Variants in TCF4 observed in about 807,000 individuals in gnomAD.
TCF4 encodes transcription factor 4.
Under a neutral mutation model 82.1 loss-of-function variants are expected in TCF4, and 3 were observed. The ratio of observed to expected loss-of-function variants is 0.04; its 90% CI spans 0.02 to 0.09. TCF4 has a LOEUF of 0.09. Among genes scored for constraint, TCF4 ranks in the 10% least tolerant of loss-of-function variants. TCF4 has a pLI of 1.00. For synonymous variants in TCF4, 276 were observed against 309.6 expected (o/e 0.89, Z 1.14); for missense variants, 518 against 852.7 (o/e 0.61, Z 4.89).
intron 3 of TCF4, among the ~76,000 whole-genome samples, chr18:55,465,259 A>G (rs952880580): frequency 6.6e-6 from 1 of 152,156 alleles, no homozygotes; most frequent in Non-Finnish European, 1.5e-5. Context: ...CTCTACTGTC[A>G]TTCCTTTTAT....
intron 5 of TCF4, among the ~76,000 whole-genome samples, chr18:55,431,492 C>G (rs2095193194): frequency 6.6e-6 from 1 of 152,146 alleles, no homozygotes; most frequent in Admixed American, 6.5e-5. Context: ...GTTGGCCAAG[C>G]TGGTCTTGGA....
intron 5 of TCF4, among the ~76,000 whole-genome samples, chr18:55,417,046 T>C (rs1252148590): frequency 1.3e-5 from 2 of 152,244 alleles, no homozygotes; most frequent in Non-Finnish European, 2.9e-5. Flanking sequence ...GTAGGCCATA[T>C]GGCATCAGAG....
At chr18:55,549,594 C>T (rs573055633) in intron 3 of TCF4, among the ~76,000 whole-genome samples, 1 of 152,202 alleles carries the variant, frequency 6.6e-6, no homozygotes, top group Non-Finnish European at 1.5e-5. Flanking sequence ...CAGTCTTCCA[C>T]ACCTTGTCTC....
At chr18:55,456,288 G>A (rs116973193) in intron 5 of TCF4, among the ~76,000 whole-genome samples, 3,125 of 152,272 alleles carry the variant, frequency 0.021, 54 homozygotes, top group Non-Finnish European at 0.031. Flanking sequence ...GCAGAAAAAT[G>A]TTCTGCTGAG....
chr18:55,546,471 A>G (rs2097208412), intron 3 of TCF4, among the ~76,000 whole-genome samples: 1 of 152,260 alleles, frequency 6.6e-6, no homozygotes, highest in African/African-American at 2.4e-5. Context: ...CTGTATTTGC[A>G]AAACCAATGA....
intron 3 of TCF4, among the ~76,000 whole-genome samples, chr18:55,491,458 C>G (rs781117718): frequency 1.3e-5 from 2 of 152,210 alleles, no homozygotes; most frequent in African/African-American, 2.4e-5. Context: ...AACTATCCAT[C>G]TGCATATGCA....
chr18:55,510,261 A>G (rs2096811600), intron 3 of TCF4, among the ~76,000 whole-genome samples: 1 of 152,174 alleles, frequency 6.6e-6, no homozygotes, highest in Admixed American at 6.5e-5. Flanking sequence ...AGGATCCAGA[A>G]TGGTTTCCAT....
At position 55,291,753 on chromosome 18, in the gene TCF4, C is replaced by T. The variant is rs537040910; in HGVS notation, c.550-12097G>A. On this transcript the variant is annotated intron_variant, in intron 8 of 19. Coordinates refer to ENST00000354452, the MANE Select transcript of TCF4 (RefSeq NM_001083962.2). ...CAAACTTTTAGGTGAAATCAACCAGCAATATTTCACTAATTTAACTCAGAG... is the reference window on the plus strand; with the variant it reads ...CAAACTTTTAGGTGAAATCAACCAGTAATATTTCACTAATTTAACTCAGAG... Among the ~76,000 whole-genome samples the T allele has an allele frequency of 1.7e-4, 26 of 152,260 alleles. No individual in the cohort carries two copies. The East Asian group carries it at 3.9e-3, about 23-fold the overall frequency.
At chr18:55,249,298 T>C (rs1398887044) in intron 15 of TCF4, among the ~76,000 whole-genome samples, 2 of 152,222 alleles carry the variant, frequency 1.3e-5, no homozygotes, top group African/African-American at 4.8e-5. Context: ...TCCTAAGGAA[T>C]GCTCTTTTGA....
At chr18:55,444,890 G>T (rs944376884) in intron 5 of TCF4, among the ~76,000 whole-genome samples, 1 of 152,036 alleles carries the variant, frequency 6.6e-6, no homozygotes, top group Admixed American at 6.6e-5. Flanking sequence ...CCACCAAGTG[G>T]CCCAAGCCAG....
chr18:55,522,625 G>T (rs1371932647), intron 3 of TCF4, among the ~76,000 whole-genome samples: 1 of 152,026 alleles, frequency 6.6e-6, no homozygotes, highest in Non-Finnish European at 1.5e-5. Context: ...AATTGTCACT[G>T]ATGTAGACGA....
chr18:55,558,389 C>G (rs1184203525), intron 3 of TCF4, among the ~76,000 whole-genome samples: 1 of 152,132 alleles, frequency 6.6e-6, no homozygotes, highest in Admixed American at 6.5e-5. Flanking sequence ...ACTAAGAACT[C>G]TAAATTGGAA....
chr18:55,241,003 T>C (rs988796677), intron 15 of TCF4, among the ~76,000 whole-genome samples: 2 of 152,230 alleles, frequency 1.3e-5, no homozygotes, highest in Non-Finnish European at 2.9e-5. Flanking sequence ...TGGAGATTTA[T>C]TTAATATTGA....
At chr18:55,466,075 T>C (rs2096011168) in intron 3 of TCF4, among the ~76,000 whole-genome samples, 1 of 152,192 alleles carries the variant, frequency 6.6e-6, no homozygotes, top group Admixed American at 6.5e-5. Context: ...CAAAGGACAT[T>C]TGGCAAAGCC....
chr18:55,570,596 ATGCGGCCCTG>A (rs778973974), intron 3 of TCF4, among the ~76,000 whole-genome samples: 5 of 152,150 alleles, frequency 3.3e-5, no homozygotes, highest in Non-Finnish European at 7.3e-5. Flanking sequence ...TAAGACCACA[ATGCGGCCCTG>A]TGTGGTGGCT....
At chr18:55,328,064 T>C (rs2076885211) in intron 8 of TCF4, among the ~76,000 whole-genome samples, 1 of 152,186 alleles carries the variant, frequency 6.6e-6, no homozygotes, top group South Asian at 2.1e-4. Context: ...CTAATAGCAT[T>C]ATGTGATATG....
intron 3 of TCF4, among the ~76,000 whole-genome samples, chr18:55,464,826 T>C (rs1040830942): frequency 2.6e-5 from 4 of 152,176 alleles, no homozygotes; most frequent in Non-Finnish European, 5.9e-5. Flanking sequence ...CAATGTTTTG[T>C]TTTGATAGAT....
chr18:55,432,404 G>A (rs1282761175), intron 5 of TCF4, among the ~76,000 whole-genome samples: 1 of 147,700 alleles, frequency 6.8e-6, no homozygotes, highest in Non-Finnish European at 1.5e-5. Context: ...AGGGAGGAAG[G>A]AGAAAACCTA....
rs2095302640 is a variant in TCF4, at chr18:55,435,158, C to T, written c.304+25861G>A. The stretch of plus-strand genomic sequence containing the variant: ...ATTGCACTAAACTGTAGCACCTTCT[C>T]TCAAATGTGGTTTGCTTGCTTGCTT... On this transcript the variant is annotated intron_variant, in intron 5 of 19. Transcript: ENST00000354452. Among the ~76,000 whole-genome samples, 3 of 152,170 alleles carry T rather than the reference C, an allele frequency of 2.0e-5. No individual in the cohort carries two copies. In the South Asian group the frequency reaches 6.2e-4, roughly 32 times the overall value.
Sources: gnomAD v4.1 joint callset for allele counts (sites outside exome capture counted in the v4.1 genomes callset) on GRCh38, gnomAD v4.1.1 for gene constraint, MANE v1.5 for transcripts, NCBI Gene and HGNC (gene_info 2026-07-23, HGNC 2026-07-21) for gene names.